TNS4: variants seen among roughly 807,000 people sequenced by gnomAD.
TNS4 encodes tensin 4, also known as tensin-4.
A neutral mutation model predicts 70.4 loss-of-function variants in TNS4; 46 were observed. The observed-to-expected ratio is 0.65, with a 90% CI of 0.52 to 0.84. TNS4 has a LOEUF of 0.84. Among genes scored for constraint, TNS4 ranks in the 40% least tolerant of loss-of-function variants. The probability of loss-of-function intolerance (pLI) is 0.00; values close to 1 mark genes in which losing one functional copy is unlikely to be tolerated. For missense variants in TNS4, 863 were observed against 907.0 expected (o/e 0.95, Z 0.62); for synonymous variants, 390 against 366.6 (o/e 1.06, Z -0.73).
At chr17:40,497,333 A>G (rs762044602) in intron 1 of TNS4, among the ~76,000 whole-genome samples, 4 of 152,106 alleles carry the variant, frequency 2.6e-5, no homozygotes, top group Non-Finnish European at 4.4e-5. Flanking sequence ...GCTGGGCGTG[A>G]TGGCTCACAC....
chr17:40,496,204 G>T lies in TNS4; in HGVS notation c.222C>A (p.Ala74=). 6.2e-7 allele frequency: 1 copy of T among 1,604,504 alleles called. No homozygotes were observed. Among genetic ancestry groups the T allele is most frequent in the East Asian group, 2.2e-5 (1 of 44,790 alleles). Residue 74 remains alanine (A), a synonymous_variant, in exon 2 of 13, where the codon GCC becomes GCA. Coordinates refer to ENST00000254051, the MANE Select transcript of TNS4 (RefSeq NM_032865.6). ...GRLQQAPQVE[A]KATCFLPSPG... ...GGGACGGCAGGAAGCAGGTGGCTTT[G>T]GCCTCCACCTGTGGGGCTTGCTGGA...
intron 2 of TNS4, among the ~76,000 whole-genome samples, chr17:40,495,565 A>T (rs2036130850): frequency 1.3e-5 from 2 of 152,118 alleles, no homozygotes; most frequent in African/African-American, 4.8e-5. Flanking sequence ...ATACTCCCCT[A>T]AACAAGGACA....
intron 7 of TNS4, 51 bp from the exon 8 acceptor site, chr17:40,482,257 C>A: frequency 1.2e-6 from 2 of 1,613,980 alleles, no homozygotes; most frequent in Non-Finnish European, 1.7e-6. Context: ...CAACCCACCC[C>A]TCAGCTCACA....
chr17:40,479,731 G>A lies in TNS4; in HGVS notation c.1853C>T (p.Thr618Ile). The change falls in exon 10 of 13, where the codon ACC becomes ATC. Residue 618 changes from threonine to isoleucine, a missense_variant. Transcript: ENST00000254051. ...TFERDILPTP[T>I]VVHFKVTEQG... ...CTCTGTGACTTTGAAGTGGACCACG[G>A]TGGGCGTGGGGAGGATGTCCCTCTC... 3.1e-6 allele frequency: 5 copies of A among 1,614,138 alleles called. No individual in the cohort carries two copies. The highest frequency in any genetic ancestry group is 4.2e-6 in the Non-Finnish European group (5 of 1,180,028).
chr17:40,479,977 A>G (rs2035900381), intron 9 of TNS4, 135 bp from the exon 10 acceptor site: 2 of 1,130,958 alleles, frequency 1.8e-6, no homozygotes, highest in Non-Finnish European at 1.2e-6. Flanking sequence ...ACCCAACAGA[A>G]AGTGGGTGTG....
At chr17:40,492,106 G>A (rs560272255) in intron 2 of TNS4, among the ~76,000 whole-genome samples, 34 of 152,276 alleles carry the variant, frequency 2.2e-4, no homozygotes, top group Middle Eastern at 3.4e-3. Context: ...CCAGGAGGTC[G>A]CGCCTCAGAA....
Position 40,485,994 on chromosome 17 carries a change from C to G in TNS4, c.1289-987G>C, listed in dbSNP as rs148668123. The stretch of plus-strand genomic sequence containing the variant: ...GGCTATAGTAAACATTCCACCCCCA[C>G]CCCCTCTGGAGTCGCCTTGATGCCT... On this transcript the variant is annotated intron_variant, in intron 4 of 12. Coordinates refer to ENST00000254051, the MANE Select transcript of TNS4 (RefSeq NM_032865.6). Among the ~76,000 whole-genome samples the G allele has an allele frequency of 3.6e-3, 552 of 152,320 alleles. 3 individuals carry two copies. The highest frequency in any genetic ancestry group is 0.013 in the African/African-American group (534 of 41,576).
In TNS4 at chr17:40,479,914, G is replaced by A. The variant is rs142140629; in HGVS notation, c.1742-72C>T. 9.1e-5 allele frequency: 135 copies of A among 1,489,994 alleles called. No homozygotes were observed. The East Asian group carries it at 1.1e-3, about 13-fold the overall frequency. 92.3% of individuals were successfully genotyped at this position (1,489,994 alleles called of 1,614,324 possible). A position where few individuals can be genotyped will look rare whatever the true frequency, so the allele number is the denominator to read the frequency against. On this transcript the variant is annotated intron_variant, in intron 9 of 12. Coordinates refer to ENST00000254051, the MANE Select transcript of TNS4 (RefSeq NM_032865.6). ...GTTCTCCCTCTGCCCAGGGCCAGGG[G>A]AGGGGGTGAGTCTCCTGTTCAGGAA...
intron 1 of TNS4, among the ~76,000 whole-genome samples, chr17:40,500,253 C>T (rs938716868): frequency 6.6e-6 from 1 of 152,216 alleles, no homozygotes; most frequent in Non-Finnish European, 1.5e-5. Flanking sequence ...GAGGGACAGA[C>T]CTGGAGCTGA....
chr17:40,478,640 A>G lies in TNS4; in HGVS notation c.1919T>C (p.Phe640Ser). Residue 640 changes from phenylalanine to serine, a missense_variant, in exon 11 of 13, where the codon TTC (phenylalanine) becomes TCC (serine). Physicochemically the swap from Phe to Ser is radical, Grantham distance 155. Transcript: ENST00000254051. ...TLTDVQRKVFFRRHYPLTTLR... is the reference protein window; with the variant it reads ...TLTDVQRKVFSRRHYPLTTLR... Reference sequence around the variant, plus strand: ...GGTGGTGAGTGGGTAATGGCGCCGGAAAAACACCCTAGGAGGAGGCGGGGA... The same window carrying G: ...GGTGGTGAGTGGGTAATGGCGCCGGGAAAACACCCTAGGAGGAGGCGGGGA... 3.7e-6 allele frequency: 6 copies of G among 1,613,974 alleles called. No individual in the cohort carries two copies. The South Asian group carries it at 6.6e-5, about 18-fold the overall frequency.
At chr17:40,482,231 A>G (rs1387769703) in intron 7 of TNS4, 25 bp from the exon 8 acceptor site, 2 of 1,613,996 alleles carry the variant, frequency 1.2e-6, no homozygotes, top group Non-Finnish European at 1.7e-6. Context: ...GCAGCCCTGC[A>G]TGAGTAGAGC....
chr17:40,496,183 C>G lies in TNS4; in HGVS notation c.243G>C (p.Pro81=), dbSNP rs370752798. Reference sequence around the variant, plus strand: ...TCCCCAAGGCCTTCTCACCAGGGGACGGCAGGAAGCAGGTGGCTTTGGCCT... The same window carrying G: ...TCCCCAAGGCCTTCTCACCAGGGGAGGGCAGGAAGCAGGTGGCTTTGGCCT... ...QVEAKATCFL[P]SPGEKALGTP... is the part of the protein sequence containing the mutation. Residue 81 remains proline (P), a synonymous_variant, in exon 2 of 13, where the codon CCG becomes CCC. Transcript: ENST00000254051. 4.4e-6 allele frequency: 7 copies of G among 1,607,124 alleles called. No individual in the cohort carries two copies. The South Asian group carries it at 7.8e-5, about 18-fold the overall frequency.
At chr17:40,477,848 C>T (rs1206625127) in intron 12 of TNS4, 119 bp from the exon 13 acceptor site, 2 of 908,254 alleles carry the variant, frequency 2.2e-6, no homozygotes, top group African/African-American at 3.3e-5. Flanking sequence ...CTCCCTTAGC[C>T]AATTGACTCC....
At chr17:40,485,160 C>G (rs12451067) in intron 4 of TNS4, among the ~76,000 whole-genome samples, 153 bp from the exon 5 acceptor site, 29,766 of 152,104 alleles carry the variant, frequency 0.2, 3,304 homozygotes, top group East Asian at 0.41. Context: ...TATCTCCAAA[C>G]TGCCTACGAT....
chr17:40,481,359 CTCTTTCTT>C (rs936560473), intron 8 of TNS4, among the ~76,000 whole-genome samples: 10 of 151,930 alleles, frequency 6.6e-5, no homozygotes, highest in Non-Finnish European at 1.2e-4. Context: ...CTCTCTTTCT[CTCTTTCTT>C]TCTTTCTTAG....
At position 40,501,263 on chromosome 17, in the gene TNS4, A is replaced by T. The variant is rs34805313; in HGVS notation, c.-96+271T>A. Among the ~76,000 whole-genome samples, 1,051 of 152,270 alleles carry T rather than the reference A, an allele frequency of 6.9e-3. 12 individuals carry two copies. Among genetic ancestry groups the T allele is most frequent in the African/African-American group, 0.024 (996 of 41,564 alleles). ...GGAGTTTGAGACCAGCCTGGCCAACATGGTGAAACCGCGTCTCTACTAAAC... is the reference window on the plus strand; with the variant it reads ...GGAGTTTGAGACCAGCCTGGCCAACTTGGTGAAACCGCGTCTCTACTAAAC... On this transcript the variant is annotated intron_variant, in intron 1 of 12. Transcript: ENST00000254051.
Position 40,477,568 on chromosome 17 carries a change from G to A in TNS4, c.*20C>T, listed in dbSNP as rs544838523. ...GCGAGCCCCTGGAGGTGTTGGTTAG[G>A]TGCACAGGCAGTCTCTCCCCTACAT... is the stretch of plus-strand genomic sequence containing the variant. On this transcript the variant is annotated 3_prime_UTR_variant, in exon 13 of 13. Transcript: ENST00000254051. 13 of 1,613,484 alleles carry A rather than the reference G, an allele frequency of 8.1e-6. No individual in the cohort carries two copies. Among genetic ancestry groups the A allele is most frequent in the South Asian group, 2.2e-5 (2 of 91,046 alleles).
chr17:40,478,153 A>T, intron 12 of TNS4, 154 bp downstream of exon 12: 1 of 946,038 alleles, frequency 1.1e-6, no homozygotes, highest in South Asian at 1.5e-5. Context: ...CTCTGAGGGC[A>T]GTCAAAGTCT....
Position 40,484,548 on chromosome 17 carries a change from G to T in TNS4, c.1437C>A (p.Tyr479Ter), listed in dbSNP as rs2035966873. 6.2e-7 allele frequency: 1 copy of T among 1,612,866 alleles called. No homozygotes were observed. The highest frequency in any genetic ancestry group is 1.7e-5 in the Admixed American group (1 of 60,006). ...TCAGGGCCAGGCCGAAGGAGCCTCG[G>T]TATGAAGAGCTGTCCCTTATGACAA... ...GAFVIRDSSSYRGSFGLALKV... is the reference protein window; with the variant it reads ...GAFVIRDSSS The change falls in exon 6 of 13, where the codon TAC becomes TAA. Residue 479 changes from tyrosine (Y) to a stop codon, truncating the protein, a stop_gained. Transcript: ENST00000254051. LOFTEE classifies it high-confidence loss of function.
Sources: gnomAD v4.1 joint callset for allele counts (sites outside exome capture counted in the v4.1 genomes callset) on GRCh38, gnomAD v4.1.1 for gene constraint, MANE v1.5 for transcripts, NCBI Gene and HGNC (gene_info 2026-07-23, HGNC 2026-07-21) for gene names.